The following ADARB2 variants were observed in gnomAD, a reference collection of about 807,000 sequenced individuals.
ADARB2 encodes the protein inactive double-stranded RNA-specific editase B2.
Under a neutral mutation model 62.2 loss-of-function variants are expected in ADARB2, and 25 were observed. The ratio of observed to expected loss-of-function variants is 0.40; its 90% CI spans 0.29 to 0.56. The LOEUF is 0.56. Among genes scored for constraint, ADARB2 ranks in the 20% least tolerant of loss-of-function variants. The pLI is 0.43. For synonymous variants in ADARB2, 572 were observed against 500.8 expected (o/e 1.14, Z -1.90); for missense variants, 1,071 against 1,077.4 (o/e 0.99, Z 0.08).
At chr10:1,538,111 G>A (rs2131965688) in intron 1 of ADARB2, among the ~76,000 whole-genome samples, 1 of 152,348 alleles carries the variant, frequency 6.6e-6, no homozygotes, top group East Asian at 1.9e-4. Flanking sequence ...GAGGCCTGGG[G>A]GATCTCCTTT....
intron 1 of ADARB2, among the ~76,000 whole-genome samples, chr10:1,511,200 T>G (rs1312167726): frequency 6.6e-6 from 1 of 152,068 alleles, no homozygotes; most frequent in Non-Finnish European, 1.5e-5. Flanking sequence ...TGGGTGGGCG[T>G]ATCGGGTGGA....
At chr10:1,574,605 C>A (rs928335832) in intron 1 of ADARB2, among the ~76,000 whole-genome samples, 3 of 152,166 alleles carry the variant, frequency 2.0e-5, no homozygotes, top group Admixed American at 1.3e-4. Flanking sequence ...TCCTTATAGA[C>A]CCTGCTGTCT....
chr10:1,590,749 C>T (rs191621918), intron 1 of ADARB2, among the ~76,000 whole-genome samples: 1 of 152,298 alleles, frequency 6.6e-6, no homozygotes, highest in Non-Finnish European at 1.5e-5. Context: ...GCCGGAGAGT[C>T]GTGCAGGGGG....
intron 3 of ADARB2, among the ~76,000 whole-genome samples, chr10:1,337,812 T>C (rs1831988100): frequency 6.6e-6 from 1 of 152,258 alleles, no homozygotes; most frequent in Non-Finnish European, 1.5e-5. Context: ...ATAAAATCTT[T>C]AAGATATTTG....
At chr10:1,367,668 C>T (rs751750296) in intron 2 of ADARB2, among the ~76,000 whole-genome samples, 9 of 152,190 alleles carry the variant, frequency 5.9e-5, no homozygotes, top group Middle Eastern at 3.2e-3. Flanking sequence ...GATCAACCCC[C>T]CAACCCCATA....
intron 1 of ADARB2, among the ~76,000 whole-genome samples, chr10:1,543,599 G>A (rs545457147): frequency 2.6e-5 from 4 of 152,226 alleles, no homozygotes; most frequent in Non-Finnish European, 4.4e-5. Flanking sequence ...CAGATGAAGA[G>A]ATTTCAACTG....
intron 3 of ADARB2, among the ~76,000 whole-genome samples, chr10:1,313,440 G>C (rs1831709821): frequency 6.6e-6 from 1 of 152,198 alleles, no homozygotes; most frequent in Admixed American, 6.5e-5. Flanking sequence ...CTAAGTGGTG[G>C]AACTGGGACT....
chr10:1,729,794 G>A (rs1835210088), intron 1 of ADARB2, among the ~76,000 whole-genome samples: 1 of 152,136 alleles, frequency 6.6e-6, no homozygotes, highest in African/African-American at 2.4e-5. Flanking sequence ...CAGGTAGGAG[G>A]AGGCTCCAGT....
intron 4 of ADARB2, among the ~76,000 whole-genome samples, chr10:1,263,291 A>G (rs1831161630): frequency 1.3e-5 from 2 of 152,188 alleles, no homozygotes; most frequent in Admixed American, 1.3e-4. Flanking sequence ...TAATAGTAAT[A>G]ATAAAGAATA....
chr10:1,613,771 T>C (rs2132022389), intron 1 of ADARB2, among the ~76,000 whole-genome samples: 1 of 152,352 alleles, frequency 6.6e-6, no homozygotes, highest in African/African-American at 2.4e-5. Flanking sequence ...ACAAAGCTAA[T>C]AATGGAGATA....
rs1361166347 is a variant in ADARB2, at chr10:1,179,237, T to C, written c.*3956A>G. The C allele has an allele frequency of 6.6e-6, 1 of 151,888 alleles. No individual in the cohort carries two copies. The highest frequency in any genetic ancestry group is 2.4e-5 in the African/African-American group (1 of 41,298). 9.4% of individuals were successfully genotyped at this position (151,888 alleles called of 1,614,324 possible). On this transcript the variant is annotated 3_prime_UTR_variant, in exon 10 of 10. Coordinates refer to ENST00000381312, the MANE Select transcript of ADARB2 (RefSeq NM_018702.4). ...AAAAAAAAGCATGCGACTTTGTTGA[T>C]AAGAAAAGCTCCCTGTGAAAACAAA...
At chr10:1,544,028 A>AAC (rs1832481254) in intron 1 of ADARB2, among the ~76,000 whole-genome samples, 2 of 140,790 alleles carry the variant, frequency 1.4e-5, no homozygotes, top group African/African-American at 2.5e-5. Context: ...CAAAAAAAAA[A>AAC]ACACACAAAA....
At chr10:1,283,747 C>G (rs368961876) in intron 3 of ADARB2, among the ~76,000 whole-genome samples, 2 of 152,194 alleles carry the variant, frequency 1.3e-5, no homozygotes, top group African/African-American at 4.8e-5. Context: ...CTTCATGTGG[C>G]TCACTGGACT....
At chr10:1,579,028 C>T (rs1446324664) in intron 1 of ADARB2, among the ~76,000 whole-genome samples, 4 of 152,136 alleles carry the variant, frequency 2.6e-5, no homozygotes, top group Non-Finnish European at 5.9e-5. Flanking sequence ...GGATAGCGAG[C>T]GGGATGGATC....
chr10:1,229,191 A>G (rs1224821293), intron 6 of ADARB2, among the ~76,000 whole-genome samples: 1 of 152,184 alleles, frequency 6.6e-6, no homozygotes, highest in Non-Finnish European at 1.5e-5. Flanking sequence ...GATCTAGACA[A>G]ATGTTTTTGA....
chr10:1,478,642 G>C (rs771386972), intron 1 of ADARB2, among the ~76,000 whole-genome samples: 5 of 151,212 alleles, frequency 3.3e-5, no homozygotes, highest in Non-Finnish European at 5.9e-5. Flanking sequence ...ACCCTCGGAC[G>C]GGAGAGCACC....
At chr10:1,443,326 A>G (rs892417846) in intron 1 of ADARB2, among the ~76,000 whole-genome samples, 1 of 152,274 alleles carries the variant, frequency 6.6e-6, no homozygotes, top group Admixed American at 6.5e-5. Flanking sequence ...TTTCTTTGCC[A>G]TTTATGCTCC....
chr10:1,184,724 A>C, intron 9 of ADARB2, 137 bp downstream of exon 9: 1 of 1,016,150 alleles, frequency 9.8e-7, no homozygotes, highest in Non-Finnish European at 1.4e-6. Flanking sequence ...GCAGCTGGGA[A>C]AAGGACATGT....
intron 1 of ADARB2, among the ~76,000 whole-genome samples, chr10:1,555,327 C>G (rs926154236): frequency 5.9e-5 from 9 of 152,246 alleles, no homozygotes; most frequent in African/African-American, 1.9e-4. Context: ...ATTTACATTT[C>G]TACCAACAGC....
Sources: allele counts gnomAD v4.1 joint callset (sites outside exome capture counted in the v4.1 genomes callset), GRCh38; gene constraint gnomAD v4.1.1; transcripts MANE v1.5; gene names NCBI Gene and HGNC (gene_info 2026-07-23, HGNC 2026-07-21).